The following SNX7 variants were observed in gnomAD, a reference collection of about 807,000 sequenced individuals.
SNX7 encodes the protein sorting nexin 7.
SNX7 carries 35 observed loss-of-function variants against 48.4 expected under a neutral mutation model. That is an observed-to-expected ratio of 0.72 (90% CI 0.55 to 0.96). SNX7 has a LOEUF of 0.96. Ranked by LOEUF, SNX7 falls within the 40% of genes least tolerant of loss-of-function variation. The pLI is 0.00. For synonymous variants in SNX7, 190 were observed against 190.2 expected (o/e 1.00, Z 0.01); for missense variants, 553 against 548.9 (o/e 1.01, Z -0.07).
intron 4 of SNX7, 97 bp downstream of exon 4, chr1:98,691,796 G>T: frequency 9.8e-7 from 1 of 1,023,722 alleles, no homozygotes. Context: ...ATCATGCAGT[G>T]GTGTACTTGA....
chr1:98,711,958 T>C (rs1234708071), intron 7 of SNX7, among the ~76,000 whole-genome samples: 3 of 152,192 alleles, frequency 2.0e-5, no homozygotes, highest in African/African-American at 7.2e-5. Context: ...TCTTCACCAG[T>C]AGATCCCGCC....
intron 1 of SNX7, among the ~76,000 whole-genome samples, chr1:98,670,291 A>C (rs2100909633): frequency 6.6e-6 from 1 of 152,344 alleles, no homozygotes; most frequent in Admixed American, 6.5e-5. Context: ...AAAAAAAACC[A>C]TATTAAGCTA....
intron 7 of SNX7, among the ~76,000 whole-genome samples, chr1:98,719,329 C>T (rs890864507): frequency 1.3e-5 from 2 of 152,098 alleles, no homozygotes; most frequent in Non-Finnish European, 2.9e-5. Context: ...TTCTCACCAG[C>T]TGGCTTATTC....
At chr1:98,676,485 G>T (rs866152022) in intron 1 of SNX7, among the ~76,000 whole-genome samples, 2 of 152,044 alleles carry the variant, frequency 1.3e-5, no homozygotes, top group African/African-American at 4.8e-5. Context: ...TAATCTTTAT[G>T]ACTATTGTTA....
At chr1:98,687,572 A>G (rs1436931517) in intron 2 of SNX7, among the ~76,000 whole-genome samples, 1 of 152,158 alleles carries the variant, frequency 6.6e-6, no homozygotes, top group Non-Finnish European at 1.5e-5. Context: ...TATATTAAGA[A>G]TATATCAGTG....
At position 98,755,184 on chromosome 1, in the gene SNX7, C is replaced by A. The variant is rs572635485; in HGVS notation, c.1279-4870C>A. On this transcript the variant is annotated intron_variant, in intron 8 of 8. Coordinates refer to ENST00000306121, the MANE Select transcript of SNX7 (RefSeq NM_015976.5). ...AGAACATACTTTATATGACTTGAAT[C>A]TTTTAAAATTTATCAAGACTTATTG... is the stretch of plus-strand genomic sequence containing the variant. Among the ~76,000 whole-genome samples, 15 of 152,172 alleles carry A rather than the reference C, an allele frequency of 9.9e-5. 1 individual carries two copies. The highest frequency in any genetic ancestry group is 3.4e-4 in the African/African-American group (14 of 41,556).
intron 7 of SNX7, among the ~76,000 whole-genome samples, chr1:98,732,749 C>T (rs11166092): frequency 0.28 from 41,982 of 151,744 alleles, 6,122 homozygotes; most frequent in Middle Eastern, 0.32. Flanking sequence ...TATATATTTA[C>T]GTGTTTGAGG....
At position 98,738,320 on chromosome 1, in the gene SNX7, A is replaced by G; in HGVS notation, c.1209A>G (p.Gln403=). The G allele has an allele frequency of 6.2e-7, 1 of 1,613,692 alleles. No homozygotes were observed. Among genetic ancestry groups the G allele is most frequent in the Non-Finnish European group, 8.5e-7 (1 of 1,179,752 alleles). ...AAGCAGATTGGGAGAGATGGAAACAAAATATGCAAAATGATATCAAGTTAG... is the reference window on the plus strand; with the variant it reads ...AAGCAGATTGGGAGAGATGGAAACAGAATATGCAAAATGATATCAAGTTAG... ...ALKADWERWK[Q]NMQNDIKLAF... The change falls in exon 8 of 9, where the codon CAA becomes CAG. Residue 403 remains glutamine (Q), a synonymous_variant. Coordinates refer to ENST00000306121, the MANE Select transcript of SNX7 (RefSeq NM_015976.5).
intron 7 of SNX7, among the ~76,000 whole-genome samples, chr1:98,715,190 G>T (rs780212298): frequency 6.6e-6 from 1 of 152,142 alleles, no homozygotes; most frequent in Non-Finnish European, 1.5e-5. Context: ...GTCTGGAACA[G>T]TCTTTCATCT....
In SNX7 at chr1:98,698,796, C is replaced by T; in HGVS notation, c.929C>T (p.Ala310Val). 6.2e-7 allele frequency: 1 copy of T among 1,613,520 alleles called. No individual in the cohort carries two copies. Among genetic ancestry groups the T allele is most frequent in the East Asian group, 2.2e-5 (1 of 44,858 alleles). Residue 310 changes from alanine (A) to valine (V), a missense_variant, in exon 6 of 9, where the codon GCC becomes GTC. Coordinates refer to ENST00000306121, the MANE Select transcript of SNX7 (RefSeq NM_015976.5). ...CTGGTTGATACTCTAAAGGATGTTGCCAGCTGCATTGACAGATGCTGTAAG... is the reference window on the plus strand; with the variant it reads ...CTGGTTGATACTCTAAAGGATGTTGTCAGCTGCATTGACAGATGCTGTAAG... ...EDLVDTLKDV[A>V]SCIDRCCKAT...
At chr1:98,714,353 G>A (rs1306504484) in intron 7 of SNX7, among the ~76,000 whole-genome samples, 1 of 152,094 alleles carries the variant, frequency 6.6e-6, no homozygotes, top group Admixed American at 6.6e-5. Flanking sequence ...CATTTTTGTG[G>A]ACGGGAAAAT....
intron 7 of SNX7, among the ~76,000 whole-genome samples, chr1:98,716,303 A>G (rs543379414): frequency 6.6e-6 from 1 of 152,204 alleles, no homozygotes; most frequent in South Asian, 2.1e-4. Context: ...CTACTTGGGC[A>G]GTTACTCCCT....
intron 7 of SNX7, among the ~76,000 whole-genome samples, chr1:98,715,143 TG>T (rs908686435): frequency 6.6e-6 from 1 of 152,200 alleles, no homozygotes; most frequent in Non-Finnish European, 1.5e-5. Context: ...AGTTCTCTAA[TG>T]TTTTTTTGAC....
intron 7 of SNX7, among the ~76,000 whole-genome samples, chr1:98,720,065 TA>T (rs1652785739): frequency 6.6e-6 from 1 of 151,830 alleles, no homozygotes; most frequent in African/African-American, 2.4e-5. Context: ...GCAACGATGA[TA>T]AGACTTTCTA....
At chr1:98,719,995 A>T (rs969191365) in intron 7 of SNX7, among the ~76,000 whole-genome samples, 1 of 151,416 alleles carries the variant, frequency 6.6e-6, no homozygotes. Context: ...CTATTGAATA[A>T]TCATGTTTTC....
chr1:98,727,628 T>TG (rs1301124829), intron 7 of SNX7, among the ~76,000 whole-genome samples: 1 of 152,002 alleles, frequency 6.6e-6, no homozygotes, highest in Non-Finnish European at 1.5e-5. Flanking sequence ...GTAAGAACCA[T>TG]GATGAAACAT....
chr1:98,707,890 C>T (rs904104331), intron 7 of SNX7, among the ~76,000 whole-genome samples: 1 of 152,094 alleles, frequency 6.6e-6, no homozygotes, highest in African/African-American at 2.4e-5. Flanking sequence ...CTATTTTTGG[C>T]TGGTGTTTTA....
intron 1 of SNX7, among the ~76,000 whole-genome samples, chr1:98,672,696 G>A (rs1169263751): frequency 6.6e-6 from 1 of 150,522 alleles, no homozygotes; most frequent in African/African-American, 2.4e-5. Context: ...AGGCCGAGGC[G>A]GGTGGATCTT....
intron 1 of SNX7, among the ~76,000 whole-genome samples, chr1:98,665,245 C>T (rs758624084): frequency 3.3e-5 from 5 of 152,132 alleles, no homozygotes; most frequent in Non-Finnish European, 7.3e-5. Context: ...CAGGTGTAAT[C>T]ATCCTCATCA....
Sources: allele counts gnomAD v4.1 joint callset (sites outside exome capture counted in the v4.1 genomes callset), GRCh38; gene constraint gnomAD v4.1.1; transcripts MANE v1.5; gene names NCBI Gene and HGNC (gene_info 2026-07-23, HGNC 2026-07-21).